BLTP3B: variants seen among roughly 807,000 people sequenced by gnomAD.
The protein encoded by BLTP3B is bridge-like lipid transfer protein family member 3B, also known as UHRF1 (ICBP90) binding protein 1-like.
At chr12:100,135,839 G>A in the BLTP3B span, among the ~76,000 whole-genome samples, 1 of 152,088 alleles carries the variant, frequency 6.6e-6, no homozygotes, top group African/African-American at 2.4e-5. Flanking sequence ...TTGGTACAAG[G>A]CAGGCACTCA....
the BLTP3B span, among the ~76,000 whole-genome samples, chr12:100,123,441 T>C: frequency 1.3e-5 from 2 of 152,290 alleles, no homozygotes; most frequent in East Asian, 3.9e-4. Context: ...TCTGTGACCG[T>C]GTGCGTGGAG....
At chr12:100,084,250 G>C in the BLTP3B span, among the ~76,000 whole-genome samples, 1 of 151,778 alleles carries the variant, frequency 6.6e-6, no homozygotes, top group Non-Finnish European at 1.5e-5. Context: ...CCAGCACTTT[G>C]CGGAGGGCCA....
chr12:100,059,895 T>A, the BLTP3B span: 1 of 1,612,606 alleles, frequency 6.2e-7, no homozygotes, highest in South Asian at 1.1e-5. Flanking sequence ...GCTCGTCAGA[T>A]TTTGAATTGT....
At chr12:100,083,168 C>T in the BLTP3B span, 1 of 1,501,010 alleles carries the variant, frequency 6.7e-7, no homozygotes, top group Admixed American at 1.7e-5. Flanking sequence ...CAATTCATTG[C>T]AAAATTATTT....
chr12:100,040,088 CTTA>C, the BLTP3B span, among the ~76,000 whole-genome samples: 1 of 151,982 alleles, frequency 6.6e-6, no homozygotes. Flanking sequence ...AATTTAAAGG[CTTA>C]TTATTAGATT....
chr12:100,104,123 T>C, the BLTP3B span, among the ~76,000 whole-genome samples: 1 of 152,024 alleles, frequency 6.6e-6, no homozygotes, highest in East Asian at 1.9e-4. Context: ...TGAAACCAGA[T>C]GTACCCATTT....
At chr12:100,069,722 G>A in the BLTP3B span, among the ~76,000 whole-genome samples, 1 of 152,026 alleles carries the variant, frequency 6.6e-6, no homozygotes, top group Non-Finnish European at 1.5e-5. Context: ...GGGTGGGAAG[G>A]GGGTGAGGGA....
chr12:100,133,273 A>G, the BLTP3B span, among the ~76,000 whole-genome samples: 1 of 151,926 alleles, frequency 6.6e-6, no homozygotes, highest in African/African-American at 2.4e-5. Flanking sequence ...AACAAATAAA[A>G]CCTGTCTTTT....
the BLTP3B span, among the ~76,000 whole-genome samples, chr12:100,071,736 G>C: frequency 6.6e-6 from 1 of 152,164 alleles, no homozygotes; most frequent in South Asian, 2.1e-4. Flanking sequence ...GTTGCCCAAA[G>C]TATACATTTA....
At chr12:100,037,212 T>G in the BLTP3B span, 1 of 955,284 alleles carries the variant, frequency 1.0e-6, no homozygotes, top group South Asian at 4.8e-5. Flanking sequence ...CATAAAAGCA[T>G]TTGAATCTTT....
chr12:100,083,018 G>A, the BLTP3B span: 1 of 1,608,178 alleles, frequency 6.2e-7, no homozygotes, highest in Non-Finnish European at 8.5e-7. Context: ...AAACATACCT[G>A]GTATATATTG....
At chr12:100,074,973 C>T in the BLTP3B span, among the ~76,000 whole-genome samples, 1 of 151,602 alleles carries the variant, frequency 6.6e-6, no homozygotes, top group Non-Finnish European at 1.5e-5. Flanking sequence ...GGATGACTGG[C>T]TAGTCATATT....
At chr12:100,139,882 G>C in the BLTP3B span, among the ~76,000 whole-genome samples, 2 of 152,202 alleles carry the variant, frequency 1.3e-5, no homozygotes, top group African/African-American at 4.8e-5. Flanking sequence ...AAGAGGACTG[G>C]CAATATGGGG....
chr12:100,103,650 C>T, the BLTP3B span, among the ~76,000 whole-genome samples: 2 of 151,980 alleles, frequency 1.3e-5, no homozygotes, highest in Admixed American at 6.6e-5. Context: ...AGTACATCAA[C>T]AAAGAGTTAA....
chr12:100,050,166 A>G, the BLTP3B span: 1 of 1,479,278 alleles, frequency 6.8e-7, no homozygotes, highest in Admixed American at 2.8e-5. Context: ...AAAAAAACTT[A>G]CCAACTGGAC....
At chr12:100,089,159 C>A in the BLTP3B span, 5 of 1,358,520 alleles carry the variant, frequency 3.7e-6, no homozygotes, top group Non-Finnish European at 4.9e-6. Context: ...ACACAAAAAT[C>A]TAAGTATTTT....
At chr12:100,106,860 T>C in the BLTP3B span, among the ~76,000 whole-genome samples, 8 of 152,206 alleles carry the variant, frequency 5.3e-5, no homozygotes, top group African/African-American at 9.6e-5. Flanking sequence ...AACTTTTCTA[T>C]AATCTTTTCT....
the BLTP3B span, among the ~76,000 whole-genome samples, chr12:100,040,402 C>A: frequency 6.6e-6 from 1 of 151,874 alleles, no homozygotes; most frequent in Admixed American, 6.6e-5. Flanking sequence ...GTAACTTAAG[C>A]CTGGCACAGT....
the BLTP3B span, among the ~76,000 whole-genome samples, chr12:100,135,472 T>C: frequency 1.3e-5 from 2 of 152,050 alleles, no homozygotes; most frequent in Non-Finnish European, 2.9e-5. Flanking sequence ...TTTCACCATG[T>C]TGGCCAGGCT....
Sources: allele counts gnomAD v4.1 joint callset (sites outside exome capture counted in the v4.1 genomes callset), GRCh38; gene constraint gnomAD v4.1.1; transcripts MANE v1.5; gene names NCBI Gene and HGNC (gene_info 2026-07-23, HGNC 2026-07-21).